ERBIN: variants seen among roughly 807,000 people sequenced by gnomAD.
ERBIN encodes erbb2 interacting protein, also known as densin-180-like protein.
Under a neutral mutation model 158.4 loss-of-function variants are expected in ERBIN, and 60 were observed. The observed-to-expected ratio is 0.38, with a 90% CI of 0.31 to 0.47. The LOEUF is 0.47. Among genes scored for constraint, ERBIN ranks in the 20% least tolerant of loss-of-function variants. The pLI, the probability that ERBIN is intolerant of heterozygous loss-of-function variation, is 0.99. For synonymous variants in ERBIN, 594 were observed against 557.2 expected, an observed-to-expected ratio of 1.07 and a Z score of -0.93; for missense variants, 1,610 against 1,648.0, an observed-to-expected ratio of 0.98 and a Z score of 0.40.
chr5:66,082,246 T>C lies in ERBIN; in HGVS notation c.*3716T>C, dbSNP rs553556914. The C allele has an allele frequency of 3.9e-5, 6 of 152,278 alleles. No individual in the cohort carries two copies. Among genetic ancestry groups the C allele is most frequent in the African/African-American group, 1.4e-4 (6 of 41,562 alleles). 9.4% of individuals were successfully genotyped at this position (152,278 alleles called of 1,614,324 possible). The stretch of plus-strand genomic sequence containing the variant: ...TAGAGAAAACACCTGAAATTTTTTT[T>C]AAGAGAACAACCTAGGTTTTATTGT... On this transcript the variant is annotated 3_prime_UTR_variant, in exon 26 of 26. Transcript: ENST00000284037.
At chr5:66,020,736 G>T (rs1160824959) in intron 7 of ERBIN, among the ~76,000 whole-genome samples, 1 of 151,958 alleles carries the variant, frequency 6.6e-6, no homozygotes, top group African/African-American at 2.4e-5. Context: ...TGTTAAGTTG[G>T]AAGTTAAGAA....
intron 4 of ERBIN, among the ~76,000 whole-genome samples, chr5:66,010,610 C>G (rs1201166504): frequency 6.6e-6 from 1 of 151,648 alleles, no homozygotes; most frequent in Non-Finnish European, 1.5e-5. Context: ...ATTCATTTTT[C>G]ATCACCTGAC....
In ERBIN at chr5:66,038,424, G is replaced by A. The variant is rs201237365; in HGVS notation, c.1248G>A (p.Glu416=). The A allele has an allele frequency of 2.5e-6, 4 of 1,612,206 alleles. No homozygotes were observed. Among genetic ancestry groups the A allele is most frequent in the Non-Finnish European group, 3.4e-6 (4 of 1,178,824 alleles). The change falls in exon 15 of 26, where the codon GAG becomes GAA. Residue 416 remains glutamate (E), a synonymous_variant. Transcript: ENST00000284037. ...LIPLQKETDS[E]TQKMVLTNYM... Reference sequence around the variant, plus strand: ...CTCTTCAAAAAGAAACTGATTCAGAGACCCAGAAAATGGTGCTTACCAACT... The same window carrying A: ...CTCTTCAAAAAGAAACTGATTCAGAAACCCAGAAAATGGTGCTTACCAACT...
At chr5:66,063,022 A>G (rs1036951644) in intron 21 of ERBIN, among the ~76,000 whole-genome samples, 1 of 152,216 alleles carries the variant, frequency 6.6e-6, no homozygotes, top group African/African-American at 2.4e-5. Flanking sequence ...GCCTGTTCTC[A>G]GATCTCAAGC....
chr5:66,055,779 A>C (rs1012896547), intron 21 of ERBIN, among the ~76,000 whole-genome samples: 3 of 152,210 alleles, frequency 2.0e-5, no homozygotes. Flanking sequence ...AGGTGAACAT[A>C]CAACTTCAAT....
chr5:65,971,138 A>G (rs1242307068), intron 1 of ERBIN, among the ~76,000 whole-genome samples: 1 of 152,088 alleles, frequency 6.6e-6, no homozygotes, highest in Non-Finnish European at 1.5e-5. Context: ...CAGGAAGTCT[A>G]GTCGTTTTGA....
chr5:66,044,569 A>C (rs1256481552), intron 17 of ERBIN, among the ~76,000 whole-genome samples: 1 of 150,820 alleles, frequency 6.6e-6, no homozygotes, highest in Non-Finnish European at 1.5e-5. Context: ...GTTTGAGACC[A>C]GCCTGGCTAA....
intron 1 of ERBIN, among the ~76,000 whole-genome samples, chr5:65,957,546 TC>T (rs1183132789): frequency 6.6e-6 from 1 of 152,140 alleles, no homozygotes; most frequent in African/African-American, 2.4e-5. Flanking sequence ...AGGTCATAGA[TC>T]AACAGCATCC....
In ERBIN at chr5:66,048,738, T is replaced by C; in HGVS notation, c.1860T>C (p.Ser620=). ...TGCGACCACCATTAATTGAAACCTC[T>C]ATTAACCAGCCAAAAGTCGTAGCAC... The part of the protein sequence containing the change: ...AEMRPPLIET[S]INQPKVVALS... Residue 620 remains serine (S), a synonymous_variant, in exon 19 of 26, where the codon TCT becomes TCC. Coordinates refer to ENST00000284037, the MANE Select transcript of ERBIN (RefSeq NM_001253697.2). The C allele has an allele frequency of 6.2e-7, 1 of 1,607,830 alleles. No individual in the cohort carries two copies. The highest frequency in any genetic ancestry group is 2.2e-5 in the East Asian group (1 of 44,472).
intron 4 of ERBIN, among the ~76,000 whole-genome samples, chr5:66,005,392 T>G (rs555064318): frequency 6.6e-6 from 1 of 152,260 alleles, no homozygotes; most frequent in South Asian, 2.1e-4. Context: ...TTTTGAGATC[T>G]AGTTGTTCAT....
intron 14 of ERBIN, among the ~76,000 whole-genome samples, chr5:66,030,575 T>C (rs1756764707): frequency 6.6e-6 from 1 of 151,120 alleles, no homozygotes; most frequent in Non-Finnish European, 1.5e-5. Flanking sequence ...TTTTTTTTTT[T>C]TTTTTGCGGC....
At position 66,006,052 on chromosome 5, in the gene ERBIN, C is replaced by T. The variant is rs539419808; in HGVS notation, c.308-5997C>T. Among the ~76,000 whole-genome samples the T allele has an allele frequency of 1.8e-4, 27 of 152,158 alleles. No individual in the cohort carries two copies. In the Middle Eastern group the frequency reaches 0.014, roughly 77 times the overall value. ...CAGAATTGCAAAAAAAACTAAAGTT[C>T]ATATGGAACCAAAAAAGAGCCCGCA... On this transcript the variant is annotated intron_variant, in intron 4 of 25. Coordinates refer to ENST00000284037, the MANE Select transcript of ERBIN (RefSeq NM_001253697.2).
chr5:65,974,524 C>A (rs1474087876), intron 1 of ERBIN, among the ~76,000 whole-genome samples: 2 of 152,116 alleles, frequency 1.3e-5, no homozygotes, highest in African/African-American at 4.8e-5. Context: ...AGATTGATAC[C>A]CTGTTATCTT....
chr5:65,980,640 C>A (rs1338967835), intron 1 of ERBIN, among the ~76,000 whole-genome samples: 1 of 151,742 alleles, frequency 6.6e-6, no homozygotes, highest in South Asian at 2.1e-4. Flanking sequence ...AAAATATATA[C>A]CATATTAACA....
At chr5:66,035,038 G>C (rs912296578) in intron 14 of ERBIN, among the ~76,000 whole-genome samples, 1 of 152,136 alleles carries the variant, frequency 6.6e-6, no homozygotes, top group African/African-American at 2.4e-5. Flanking sequence ...CATGATGTCT[G>C]TGTTACCATA....
At chr5:65,930,510 G>A (rs918919098) in intron 1 of ERBIN, among the ~76,000 whole-genome samples, 1 of 152,106 alleles carries the variant, frequency 6.6e-6, no homozygotes, top group African/African-American at 2.4e-5. Context: ...CGGTTTCACC[G>A]TGTTAGCCAG....
intron 20 of ERBIN, among the ~76,000 whole-genome samples, chr5:66,051,884 G>GGCCTT (rs1262300558): frequency 9.8e-6 from 1 of 102,128 alleles, no homozygotes; most frequent in African/African-American, 3.9e-5. Flanking sequence ...GACAGAGCTA[G>GGCCTT]GCCTTGTCTC....
In ERBIN at chr5:65,981,364, AAAAG is replaced by A. The variant is rs546114138; in HGVS notation, c.-57-7267_-57-7264del. Among the ~76,000 whole-genome samples, 15 of 152,324 alleles carry A rather than the reference AAAAG, an allele frequency of 9.8e-5. No individual in the cohort carries two copies. In the South Asian group the frequency reaches 2.7e-3, roughly 27 times the overall value. ...TAGAAAGTTTTATTCTAAGGACAGA[AAAAG>A]AAATTCAGAATAAGTGAAAGGCAGA... On this transcript the variant is annotated intron_variant, in intron 1 of 25. Coordinates refer to ENST00000284037, the MANE Select transcript of ERBIN (RefSeq NM_001253697.2).
intron 1 of ERBIN, among the ~76,000 whole-genome samples, chr5:65,933,593 C>T (rs1743710510): frequency 6.6e-6 from 1 of 152,164 alleles, no homozygotes; most frequent in South Asian, 2.1e-4. Flanking sequence ...ATATGCTTCT[C>T]TTAATCCTTC....
Sources: allele counts gnomAD v4.1 joint callset (sites outside exome capture counted in the v4.1 genomes callset), GRCh38; gene constraint gnomAD v4.1.1; transcripts MANE v1.5; gene names NCBI Gene and HGNC (gene_info 2026-07-23, HGNC 2026-07-21).